Variants in SGCZ observed in about 807,000 individuals in gnomAD.
SGCZ encodes the protein sarcoglycan zeta.
A neutral mutation model predicts 41.3 loss-of-function variants in SGCZ; 40 were observed. The observed-to-expected ratio is 0.97, with a 90% CI of 0.75 to 1.26. The LOEUF (loss-of-function observed/expected upper bound fraction) is 1.26, where lower values mean the gene tolerates loss of function less well. Ranked by LOEUF, SGCZ falls within the 50% of genes most tolerant of loss-of-function variation. The pLI is 0.00. For synonymous variants in SGCZ, 206 were observed against 137.5 expected (o/e 1.50, Z -3.49); for missense variants, 552 against 369.8 (o/e 1.49, Z -4.04).
At chr8:14,729,644 AAATCAATC>A (rs56104484) in intron 1 of SGCZ, among the ~76,000 whole-genome samples, 5,089 of 150,842 alleles carry the variant, frequency 0.034, 116 homozygotes, top group South Asian at 0.074. Flanking sequence ...AGAGCGTTAA[AAATCAATC>A]AATCAATCAA....
chr8:14,229,063 G>T (rs1806471769), intron 4 of SGCZ, among the ~76,000 whole-genome samples: 1 of 152,078 alleles, frequency 6.6e-6, no homozygotes. Flanking sequence ...GCCAGCAAAG[G>T]TTGAAGATGA....
chr8:14,724,772 T>A (rs1228100916), intron 1 of SGCZ, among the ~76,000 whole-genome samples: 2 of 152,146 alleles, frequency 1.3e-5, no homozygotes, highest in East Asian at 3.8e-4. Context: ...AATATAAGCA[T>A]ATAATGTTTA....
intron 1 of SGCZ, among the ~76,000 whole-genome samples, chr8:15,168,934 T>G (rs1027600372): frequency 6.6e-6 from 1 of 152,196 alleles, no homozygotes; most frequent in Non-Finnish European, 1.5e-5. Flanking sequence ...TTTTTTGTCA[T>G]TCAGGCTTTT....
rs2116939620 is a variant in SGCZ at position 14,086,618 on chromosome 8, T to C, written c.*3825A>G. On this transcript the variant is annotated 3_prime_UTR_variant, in exon 8 of 8. Transcript: ENST00000382080. ...TTCTATTAATTTCCTAAACAGTCAT[T>C]TTGAATAAGATCCAAATGCATTATT... Among the ~76,000 whole-genome samples, 1 of 151,878 alleles carries C rather than the reference T, an allele frequency of 6.6e-6. No homozygotes were observed. Among genetic ancestry groups the C allele is most frequent in the Middle Eastern group, 3.4e-3 (1 of 294 alleles).
chr8:14,902,717 G>A (rs536686939), intron 1 of SGCZ, among the ~76,000 whole-genome samples: 11 of 152,096 alleles, frequency 7.2e-5, no homozygotes, highest in African/African-American at 2.7e-4. Flanking sequence ...AAACAAACAT[G>A]ATTTCCTGCA....
intron 2 of SGCZ, among the ~76,000 whole-genome samples, chr8:14,427,667 C>T (rs1404233796): frequency 6.6e-6 from 1 of 152,124 alleles, no homozygotes; most frequent in African/African-American, 2.4e-5. Flanking sequence ...TTGCTTCCAG[C>T]AGCTAGCCAG....
intron 2 of SGCZ, among the ~76,000 whole-genome samples, chr8:14,384,524 T>C (rs1804497752): frequency 6.6e-6 from 1 of 152,198 alleles, no homozygotes. Context: ...AATAATCCTT[T>C]AGCTATGTCT....
At chr8:14,772,345 T>C (rs1449665306) in intron 1 of SGCZ, among the ~76,000 whole-genome samples, 1 of 152,124 alleles carries the variant, frequency 6.6e-6, no homozygotes, top group Non-Finnish European at 1.5e-5. Flanking sequence ...ACTATAAGCA[T>C]TACTTTAAAA....
intron 2 of SGCZ, among the ~76,000 whole-genome samples, chr8:14,474,455 C>T (rs1425850936): frequency 6.6e-6 from 1 of 152,112 alleles, no homozygotes; most frequent in Non-Finnish European, 1.5e-5. Flanking sequence ...AAAATTAGTT[C>T]TTAAACCTAT....
intron 4 of SGCZ, among the ~76,000 whole-genome samples, chr8:14,208,188 C>G (rs1303079417): frequency 6.6e-6 from 1 of 152,182 alleles, no homozygotes; most frequent in East Asian, 1.9e-4. Flanking sequence ...AACCAATCAG[C>G]TCTGTTGAAA....
chr8:15,209,856 G>C lies in SGCZ; in HGVS notation c.39+27729C>G, dbSNP rs76669655. 6.6e-3 allele frequency among the ~76,000 whole-genome samples: 1,007 copies of C among 152,188 alleles called. 14 individuals are homozygous for C. Among genetic ancestry groups the C allele is most frequent in the African/African-American group, 0.023 (948 of 41,524 alleles). ...CGGAAGTAAATATACATTGTTCTTA[G>C]CTAATCATGGGGGCTTCTCCAACTT... On this transcript the variant is annotated intron_variant, in intron 1 of 7. Transcript: ENST00000382080.
At chr8:14,782,644 G>A (rs2130439088) in intron 1 of SGCZ, among the ~76,000 whole-genome samples, 1 of 147,828 alleles carries the variant, frequency 6.8e-6, no homozygotes, top group African/African-American at 2.4e-5. Flanking sequence ...CAGATTGAGG[G>A]AAGATAAGGG....
chr8:15,229,349 CATA>C (rs1333064058), intron 1 of SGCZ, among the ~76,000 whole-genome samples: 2 of 151,998 alleles, frequency 1.3e-5, no homozygotes, highest in Admixed American at 6.6e-5. Context: ...TTTATGAAAG[CATA>C]ATAATAATTT....
intron 1 of SGCZ, among the ~76,000 whole-genome samples, chr8:14,585,880 G>A (rs1478983813): frequency 1.3e-5 from 2 of 152,154 alleles, no homozygotes; most frequent in Non-Finnish European, 2.9e-5. Context: ...ATCACCTTCA[G>A]TAAATCATGC....
At chr8:14,347,538 C>T (rs1483380655) in intron 2 of SGCZ, among the ~76,000 whole-genome samples, 3 of 150,234 alleles carry the variant, frequency 2.0e-5, no homozygotes, top group Non-Finnish European at 4.4e-5. Flanking sequence ...AAAATTACCA[C>T]AGACTTTGTA....
chr8:14,621,246 T>C (rs1242300532), intron 1 of SGCZ, among the ~76,000 whole-genome samples: 51 of 131,732 alleles, frequency 3.9e-4, no homozygotes, highest in Non-Finnish European at 4.0e-4. Context: ...ATGAGAACAC[T>C]TGGACACAGG....
chr8:14,692,162 C>G (rs1808820246), intron 1 of SGCZ, among the ~76,000 whole-genome samples: 3 of 151,556 alleles, frequency 2.0e-5, no homozygotes, highest in Non-Finnish European at 4.4e-5. Context: ...TTTTTACTAC[C>G]TAAATTACAT....
In SGCZ at chr8:14,230,764, GGT is replaced by G. The variant is rs1491344918; in HGVS notation, c.424+6826_424+6827del. ...CTTTCCTTCTTTTTTTTTTGGTGGT[GGT>G]GGGGGGGTGGTTACTCAAACATCTC... On this transcript the variant is annotated intron_variant, in intron 4 of 7. Transcript: ENST00000382080. Among the ~76,000 whole-genome samples, 121 of 77,190 alleles carry G rather than the reference GGT, an allele frequency of 1.6e-3. 3 individuals carry two copies. In the East Asian group the frequency reaches 0.016, roughly 10 times the overall value. 50.6% of individuals were successfully genotyped at this position (77,190 alleles called of 152,430 possible). A position where few individuals can be genotyped will look rare whatever the true frequency, so the allele number is the denominator to read the frequency against.
At chr8:14,572,522 C>A (rs796157003) in intron 1 of SGCZ, among the ~76,000 whole-genome samples, 1 of 152,012 alleles carries the variant, frequency 6.6e-6, no homozygotes, top group Admixed American at 6.6e-5. Flanking sequence ...TTATTATTAT[C>A]CCTTTTTTAT....
Sources: allele counts gnomAD v4.1 joint callset (sites outside exome capture counted in the v4.1 genomes callset), GRCh38; gene constraint gnomAD v4.1.1; transcripts MANE v1.5; gene names NCBI Gene and HGNC (gene_info 2026-07-23, HGNC 2026-07-21).